The following XRCC4 variants were observed in gnomAD, a reference collection of about 807,000 sequenced individuals.
XRCC4 encodes DNA repair protein XRCC4.
XRCC4 carries 28 observed loss-of-function variants against 39.1 expected under a neutral mutation model. The observed-to-expected ratio is 0.72, with a 90% CI of 0.53 to 0.98. The LOEUF (loss-of-function observed/expected upper bound fraction) is 0.98. Among genes scored for constraint, XRCC4 ranks in the 50% least tolerant of loss-of-function variants. The pLI is 0.00. For synonymous variants in XRCC4, 123 were observed against 126.4 expected, an observed-to-expected ratio of 0.97 and a Z score of 0.18; for missense variants, 350 against 376.4, an observed-to-expected ratio of 0.93 and a Z score of 0.58.
intron 7 of XRCC4, among the ~76,000 whole-genome samples, chr5:83,281,499 G>GT (rs1254627241): frequency 2.9e-5 from 4 of 139,414 alleles, no homozygotes; most frequent in African/African-American, 3.1e-5. Context: ...ACTGTTTTTT[G>GT]TTTTGTTTTT....
chr5:83,233,507 A>T (rs1041696604), intron 6 of XRCC4, among the ~76,000 whole-genome samples: 3 of 152,162 alleles, frequency 2.0e-5, no homozygotes, highest in African/African-American at 7.2e-5. Flanking sequence ...GGGGGAACCC[A>T]TTCTTCTCCA....
In XRCC4 at chr5:83,155,529, T is replaced by C. The variant is rs533208944; in HGVS notation, c.316-40241T>C. On this transcript the variant is annotated intron_variant, in intron 3 of 7. Coordinates refer to ENST00000396027, the MANE Select transcript of XRCC4 (RefSeq NM_003401.5). ...AAATAAATGTATATTGATTGAATCT[T>C]GAACGCTGTCCTCAGTGGACTTAAT... Among the ~76,000 whole-genome samples the C allele has an allele frequency of 9.9e-5, 15 of 152,284 alleles. No homozygotes were observed. The South Asian group carries it at 3.1e-3, about 32-fold the overall frequency.
At chr5:83,253,514 G>A (rs73769424) in intron 6 of XRCC4, among the ~76,000 whole-genome samples, 10 of 147,554 alleles carry the variant, frequency 6.8e-5, no homozygotes, top group South Asian at 2.1e-4. Context: ...GTGTGTGTGT[G>A]TATATGTATT....
chr5:83,083,288 A>G (rs1291423281), intron 1 of XRCC4, among the ~76,000 whole-genome samples: 1 of 151,496 alleles, frequency 6.6e-6, no homozygotes, highest in Non-Finnish European at 1.5e-5. Flanking sequence ...CTTATGCCAC[A>G]TTCTAAAGCA....
At chr5:83,102,820 A>G (rs1746002390) in intron 1 of XRCC4, among the ~76,000 whole-genome samples, 1 of 151,796 alleles carries the variant, frequency 6.6e-6, no homozygotes, top group Non-Finnish European at 1.5e-5. Context: ...TTAACATCAG[A>G]TCTACTAGAC....
At chr5:83,184,627 G>T (rs899358071) in intron 3 of XRCC4, among the ~76,000 whole-genome samples, 1 of 152,024 alleles carries the variant, frequency 6.6e-6, no homozygotes, top group Non-Finnish European at 1.5e-5. Context: ...TTAAGTTATA[G>T]TTTCTGAGTA....
chr5:83,291,301 C>T (rs1184931324), intron 7 of XRCC4, among the ~76,000 whole-genome samples: 1 of 151,794 alleles, frequency 6.6e-6, no homozygotes, highest in Non-Finnish European at 1.5e-5. Flanking sequence ...AATGGGAATA[C>T]TACACTAGGT....
At chr5:83,131,705 C>G (rs1198988635) in intron 3 of XRCC4, among the ~76,000 whole-genome samples, 4 of 151,430 alleles carry the variant, frequency 2.6e-5, no homozygotes, top group Non-Finnish European at 4.4e-5. Context: ...TGCAACCCCT[C>G]CTTTTTTTTT....
intron 6 of XRCC4, among the ~76,000 whole-genome samples, chr5:83,225,333 G>C (rs975867429): frequency 6.6e-6 from 1 of 152,036 alleles, no homozygotes; most frequent in Non-Finnish European, 1.5e-5. Context: ...GCGGCTGGGT[G>C]TGGGCATTTA....
chr5:83,242,162 TTGTGTGTGTGTGTGTG>T (rs60919474), intron 6 of XRCC4, among the ~76,000 whole-genome samples: 3 of 145,258 alleles, frequency 2.1e-5, no homozygotes, highest in Non-Finnish European at 3.0e-5. Flanking sequence ...CGTATACACA[TTGTGTGTGTGTGTGTG>T]TGTGTGTGTG....
At chr5:83,197,711 G>A (rs1304183104) in intron 4 of XRCC4, among the ~76,000 whole-genome samples, 1 of 152,052 alleles carries the variant, frequency 6.6e-6, no homozygotes, top group Non-Finnish European at 1.5e-5. Flanking sequence ...TTGATCAAAA[G>A]CACAGCCATG....
the XRCC4 span, among the ~76,000 whole-genome samples, chr5:83,368,913 A>G: frequency 6.6e-6 from 1 of 152,302 alleles, no homozygotes; most frequent in Admixed American, 6.5e-5. Flanking sequence ...AACAGGGAAT[A>G]TTAACCAGAA....
At position 83,196,641 on chromosome 5, in the gene XRCC4, TTATAA is replaced by T. The variant is rs1223923834; in HGVS notation, c.482+710_482+714del. 7.2e-5 allele frequency among the ~76,000 whole-genome samples: 11 copies of T among 151,914 alleles called. No homozygotes were observed. The East Asian group carries it at 1.5e-3, about 21-fold the overall frequency. On this transcript the variant is annotated intron_variant, in intron 4 of 7. Coordinates refer to ENST00000396027, the MANE Select transcript of XRCC4 (RefSeq NM_003401.5). Reference sequence around the variant, plus strand: ...ATGTTGTGAACACTTGTATCCTCACTTATAATATATATATGTGTGTGTGTATGCAC... The same window carrying T: ...ATGTTGTGAACACTTGTATCCTCACTTATATATATGTGTGTGTGTATGCAC...
At chr5:83,088,011 G>A (rs905127394) in intron 1 of XRCC4, among the ~76,000 whole-genome samples, 1 of 152,078 alleles carries the variant, frequency 6.6e-6, no homozygotes, top group East Asian at 1.9e-4. Context: ...TTGTATTGTC[G>A]TTGCTACTGG....
chr5:83,251,058 T>A (rs908259868), intron 6 of XRCC4, among the ~76,000 whole-genome samples: 1 of 152,218 alleles, frequency 6.6e-6, no homozygotes, highest in Non-Finnish European at 1.5e-5. Context: ...TTCTGGATAG[T>A]GCCAGAGTTC....
chr5:83,090,887 A>T (rs889225137), intron 1 of XRCC4, among the ~76,000 whole-genome samples: 3 of 151,750 alleles, frequency 2.0e-5, no homozygotes, highest in African/African-American at 7.3e-5. Flanking sequence ...AATTTTATTT[A>T]TATTATATAT....
chr5:83,168,657 G>C (rs894026945), intron 3 of XRCC4, among the ~76,000 whole-genome samples: 2 of 151,848 alleles, frequency 1.3e-5, no homozygotes, highest in Non-Finnish European at 2.9e-5. Context: ...ACCAACATAT[G>C]GTCCAAATTT....
intron 1 of XRCC4, among the ~76,000 whole-genome samples, chr5:83,087,068 G>A (rs1186767373): frequency 1.3e-5 from 2 of 152,114 alleles, no homozygotes; most frequent in African/African-American, 4.8e-5. Flanking sequence ...TGTAATTCCA[G>A]CACTTTGGGA....
chr5:83,338,717 C>T (rs1756665518), intron 7 of XRCC4, among the ~76,000 whole-genome samples: 1 of 152,038 alleles, frequency 6.6e-6, no homozygotes, highest in African/African-American at 2.4e-5. Context: ...AACATCAGTT[C>T]AGAGTAAAGT....
Sources: allele counts gnomAD v4.1 joint callset (sites outside exome capture counted in the v4.1 genomes callset), GRCh38; gene constraint gnomAD v4.1.1; transcripts MANE v1.5; gene names NCBI Gene and HGNC (gene_info 2026-07-23, HGNC 2026-07-21).